Variants in TRPS1 observed in about 807,000 individuals in gnomAD.
The protein encoded by TRPS1 is transcriptional repressor GATA binding 1.
A neutral mutation model predicts 101.2 loss-of-function variants in TRPS1; 6 were observed. The ratio of observed to expected loss-of-function variants is 0.06; its 90% confidence interval spans 0.03 to 0.12. TRPS1 has a LOEUF of 0.12. Ranked by LOEUF, TRPS1 falls within the 10% of genes least tolerant of loss-of-function variation. The pLI, the probability that TRPS1 is intolerant of heterozygous loss-of-function variation, is 1.00. For synonymous variants in TRPS1, 578 were observed against 589.8 expected, an observed-to-expected ratio of 0.98 and a Z score of 0.29; for missense variants, 1,363 against 1,567.0, an observed-to-expected ratio of 0.87 and a Z score of 2.20.
chr8:115,486,665 T>C (rs997734020), intron 5 of TRPS1, among the ~76,000 whole-genome samples: 3 of 152,202 alleles, frequency 2.0e-5, no homozygotes, highest in Admixed American at 1.3e-4. Flanking sequence ...ATGGTCGGGA[T>C]TGAAGTTCAA....
chr8:115,443,148 T>C (rs1303949349), intron 5 of TRPS1, among the ~76,000 whole-genome samples: 2 of 151,946 alleles, frequency 1.3e-5, no homozygotes, highest in Non-Finnish European at 1.5e-5. Context: ...CATATTCCTG[T>C]AGTCCCAGCT....
chr8:115,532,257 T>TA (rs1369343811), intron 5 of TRPS1, among the ~76,000 whole-genome samples: 2 of 147,650 alleles, frequency 1.4e-5, no homozygotes, highest in Non-Finnish European at 3.0e-5. Flanking sequence ...TTTTTTTTTT[T>TA]ACCATACATG....
intron 3 of TRPS1, among the ~76,000 whole-genome samples, chr8:115,607,285 C>T (rs1818060740): frequency 1.3e-5 from 2 of 151,944 alleles, no homozygotes. Context: ...ACCCAGGCTA[C>T]GAATCAATAC....
At chr8:115,454,622 A>G (rs914643981) in intron 5 of TRPS1, among the ~76,000 whole-genome samples, 3 of 152,206 alleles carry the variant, frequency 2.0e-5, no homozygotes, top group African/African-American at 7.2e-5. Flanking sequence ...TGTAAATCCT[A>G]TAACACTCTA....
intron 1 of TRPS1, among the ~76,000 whole-genome samples, chr8:115,665,235 G>A (rs931178525): frequency 1.3e-5 from 2 of 152,250 alleles, no homozygotes; most frequent in South Asian, 4.1e-4. Context: ...GAAACTTTCA[G>A]TAATGTTTAT....
At chr8:115,583,270 TA>T (rs33977272) in intron 5 of TRPS1, among the ~76,000 whole-genome samples, 105,139 of 150,974 alleles carry the variant, frequency 0.7, 37,893 homozygotes, top group African/African-American at 0.89. Flanking sequence ...ATGTACATCA[TA>T]AAAAAAAAAC....
intron 5 of TRPS1, among the ~76,000 whole-genome samples, chr8:115,496,176 T>C (rs536288469): frequency 6.6e-6 from 1 of 152,284 alleles, no homozygotes; most frequent in South Asian, 2.1e-4. Context: ...TAGGTGTTAT[T>C]TATCCCAGGT....
rs1198961535 is a variant in TRPS1, at chr8:115,506,149, TG to T, written c.2700+80851del. Among the ~76,000 whole-genome samples, 13 of 152,150 alleles carry T rather than the reference TG, an allele frequency of 8.5e-5. No individual in the cohort carries two copies. In the East Asian group the frequency reaches 2.3e-3, roughly 27 times the overall value. On this transcript the variant is annotated intron_variant, in intron 5 of 6. Coordinates refer to ENST00000395715, the MANE Select transcript of TRPS1 (RefSeq NM_014112.5). The stretch of plus-strand genomic sequence containing the variant: ...CTACTCACAGGTTTCTAAAAGTTAT[TG>T]GTAAAATTAAGTTAAAAGAAATATA...
At position 115,563,712 on chromosome 8, in the gene TRPS1, TC is replaced by T. The variant is rs1563606360; in HGVS notation, c.2700+23288del. On this transcript the variant is annotated intron_variant, in intron 5 of 6. Transcript: ENST00000395715. ...CTTGTATTCACAGGCCCTCCTAAAG[TC>T]TTTACTGTACTCACTTTAAGTTCCC... is the stretch of plus-strand genomic sequence containing the variant. 3.3e-5 allele frequency among the ~76,000 whole-genome samples: 5 copies of T among 152,214 alleles called. No individual in the cohort carries two copies. The South Asian group carries it at 8.3e-4, about 25-fold the overall frequency.
chr8:115,571,259 G>C (rs1321679381), intron 5 of TRPS1, among the ~76,000 whole-genome samples: 3 of 152,142 alleles, frequency 2.0e-5, no homozygotes, highest in Admixed American at 2.0e-4. Context: ...TACATCTTCA[G>C]ACAATTTTCA....
intron 1 of TRPS1, among the ~76,000 whole-genome samples, chr8:115,633,584 T>C (rs1319424650): frequency 2.6e-5 from 4 of 152,172 alleles, no homozygotes; most frequent in Non-Finnish European, 5.9e-5. Flanking sequence ...CTGATAGTTA[T>C]TTAGTAGTCC....
intron 1 of TRPS1, among the ~76,000 whole-genome samples, chr8:115,630,091 G>C (rs1025591547): frequency 5.3e-5 from 8 of 151,924 alleles, no homozygotes; most frequent in African/African-American, 1.9e-4. Flanking sequence ...AACTGAAACA[G>C]GTAATTAAAC....
At chr8:115,637,690 T>C (rs1194737178) in intron 1 of TRPS1, among the ~76,000 whole-genome samples, 1 of 152,210 alleles carries the variant, frequency 6.6e-6, no homozygotes, top group Non-Finnish European at 1.5e-5. Context: ...ATTGATATTA[T>C]CACACCTTAG....
At chr8:115,512,100 T>C (rs901141168) in intron 5 of TRPS1, among the ~76,000 whole-genome samples, 3 of 151,806 alleles carry the variant, frequency 2.0e-5, no homozygotes, top group Non-Finnish European at 2.9e-5. Flanking sequence ...AGCATTTCCA[T>C]TTAAAATTTT....
intron 5 of TRPS1, among the ~76,000 whole-genome samples, chr8:115,508,035 A>C (rs922572269): frequency 6.6e-6 from 1 of 152,134 alleles, no homozygotes; most frequent in Non-Finnish European, 1.5e-5. Context: ...GCAGAACATA[A>C]AATAAAAAAT....
At chr8:115,477,142 G>A (rs998802169) in intron 5 of TRPS1, among the ~76,000 whole-genome samples, 2 of 152,052 alleles carry the variant, frequency 1.3e-5, no homozygotes, top group Non-Finnish European at 2.9e-5. Context: ...TGAGAAATGT[G>A]ACACAGAAAT....
chr8:115,481,466 A>T (rs896844252), intron 5 of TRPS1, among the ~76,000 whole-genome samples: 3 of 151,854 alleles, frequency 2.0e-5, no homozygotes, highest in African/African-American at 7.3e-5. Context: ...CTTAACTATC[A>T]CAAGGGCTTA....
intron 5 of TRPS1, among the ~76,000 whole-genome samples, chr8:115,436,048 A>G (rs1307950724): frequency 6.7e-6 from 1 of 149,944 alleles, no homozygotes; most frequent in Non-Finnish European, 1.5e-5. Context: ...ACACACATTC[A>G]GCTAAGGAGC....
chr8:115,543,720 C>G (rs1003785983), intron 5 of TRPS1, among the ~76,000 whole-genome samples: 1 of 152,070 alleles, frequency 6.6e-6, no homozygotes, highest in Non-Finnish European at 1.5e-5. Flanking sequence ...CCAAAGCCAA[C>G]ACAATACTGT....
Sources: gnomAD v4.1 joint callset for allele counts (sites outside exome capture counted in the v4.1 genomes callset) on GRCh38, gnomAD v4.1.1 for gene constraint, MANE v1.5 for transcripts, NCBI Gene and HGNC (gene_info 2026-07-23, HGNC 2026-07-21) for gene names.